MMP28: variants seen among roughly 807,000 people sequenced by gnomAD.
The protein encoded by MMP28 is matrix metalloproteinase-28.
In MMP28, 55 loss-of-function variants were observed where a neutral mutation model predicts 60.5. The observed-to-expected ratio is 0.91, with a 90% CI of 0.73 to 1.14. The LOEUF (loss-of-function observed/expected upper bound fraction) is 1.14. Ranked by LOEUF, MMP28 falls within the 50% of genes most tolerant of loss-of-function variation. MMP28 has a pLI of 0.00. For synonymous variants in MMP28, 318 were observed against 312.5 expected (o/e 1.02, Z -0.18); for missense variants, 686 against 738.3 (o/e 0.93, Z 0.82).
intron 1 of MMP28, among the ~76,000 whole-genome samples, chr17:35,786,078 G>A (rs988830619): frequency 4.1e-5 from 6 of 146,226 alleles, no homozygotes; most frequent in South Asian, 2.1e-4. Context: ...TTTTTGACAC[G>A]GAGTTTCGCT....
chr17:35,761,832 T>C (rs1349279853), downstream of MMP28, among the ~76,000 whole-genome samples: 1 of 152,090 alleles, frequency 6.6e-6, no homozygotes, highest in Non-Finnish European at 1.5e-5. Context: ...CTCCTTTTCC[T>C]CCTCCCCTTC....
chr17:35,776,557 T>C (rs2086337109), intron 3 of MMP28, among the ~76,000 whole-genome samples: 1 of 152,166 alleles, frequency 6.6e-6, no homozygotes, highest in Admixed American at 6.5e-5. Flanking sequence ...ATCCTATATT[T>C]TATGTGGCAA....
chr17:35,765,667 C>T (rs2085919710), downstream of MMP28, among the ~76,000 whole-genome samples: 1 of 152,242 alleles, frequency 6.6e-6, no homozygotes, highest in African/African-American at 2.4e-5. Context: ...GCACATCATT[C>T]TCCATCTGGC....
intron 1 of MMP28, among the ~76,000 whole-genome samples, chr17:35,792,963 G>T (rs1458863265): frequency 6.6e-6 from 1 of 152,122 alleles, no homozygotes; most frequent in African/African-American, 2.4e-5. Flanking sequence ...CATGGTTTAC[G>T]TATGGGTTTG....
At chr17:35,769,100 G>A (rs2086038630) in intron 5 of MMP28, among the ~76,000 whole-genome samples, 2 of 152,102 alleles carry the variant, frequency 1.3e-5, no homozygotes, top group Admixed American at 1.3e-4. Flanking sequence ...AGTCCAACAA[G>A]CTTATTATTT....
chr17:35,795,103 G>GA (rs1367131884), intron 1 of MMP28, among the ~76,000 whole-genome samples, 164 bp downstream of exon 1: 3 of 152,240 alleles, frequency 2.0e-5, no homozygotes, highest in Non-Finnish European at 4.4e-5. Context: ...CTGGCACGGG[G>GA]AAAAAACTGC....
chr17:35,768,285 G>A lies in MMP28; in HGVS notation c.945C>T (p.Arg315=), dbSNP rs200237342. 2 of 1,613,312 alleles carry A rather than the reference G, an allele frequency of 1.2e-6. No individual in the cohort carries two copies. The highest frequency in any genetic ancestry group is 1.7e-5 in the Admixed American group (1 of 59,934). The change falls in exon 6 of 8, where the codon CGC becomes CGT. Residue 315 remains arginine (R), a synonymous_variant. Coordinates refer to ENST00000605424, the MANE Select transcript of MMP28 (RefSeq NM_024302.5). ...AGTATTTAGGGCCCTGCGTTTCAGGGCGCCTTCCTTGGGGGCTGTAGGAGT... is the reference window on the plus strand; with the variant it reads ...AGTATTTAGGGCCCTGCGTTTCAGGACGCCTTCCTTGGGGGCTGTAGGAGT... ...TWDSYSPQGR[R]PETQGPKYCH...
chr17:35,768,062 C>T, intron 6 of MMP28, 143 bp from the exon 7 acceptor site: 1 of 1,279,954 alleles, frequency 7.8e-7, no homozygotes, highest in Non-Finnish European at 1.1e-6. Flanking sequence ...GGAAAGTGGG[C>T]AGGAAGAAGC....
intron 1 of MMP28, among the ~76,000 whole-genome samples, chr17:35,782,952 G>A (rs570811405): frequency 9.1e-4 from 139 of 152,150 alleles, no homozygotes; most frequent in African/African-American, 2.9e-3. Context: ...TCAGCCTCCC[G>A]AGTAGCTGGG....
At chr17:35,760,748 G>T in intron 2 of MMP28, 1 of 654,302 alleles carries the variant, frequency 1.5e-6, no homozygotes. Flanking sequence ...GGAGACATCT[G>T]AGTTGTTAGT....
intron 4 of MMP28, 100 bp from the exon 5 acceptor site, chr17:35,770,412 C>T: frequency 2.2e-6 from 3 of 1,381,802 alleles, no homozygotes; most frequent in Non-Finnish European, 2.8e-6. Flanking sequence ...TGGCTGTTCT[C>T]TGCTGTATAG....
chr17:35,758,485 A>C (rs1555600856), intron 2 of MMP28, among the ~76,000 whole-genome samples: 1 of 152,152 alleles, frequency 6.6e-6, no homozygotes, highest in African/African-American at 2.4e-5. Context: ...TGAGGTCAGG[A>C]GTTCAAGACC....
intron 3 of MMP28, among the ~76,000 whole-genome samples, chr17:35,777,208 C>T (rs1555607847): frequency 6.6e-6 from 1 of 152,208 alleles, no homozygotes; most frequent in African/African-American, 2.4e-5. Flanking sequence ...AGACTTGAAC[C>T]CAGGGCCTCT....
In MMP28 at chr17:35,766,213, A is replaced by G; in HGVS notation, c.*287T>C. 1 of 1,200,226 alleles carries G rather than the reference A, an allele frequency of 8.3e-7. No homozygotes were observed. Among genetic ancestry groups the G allele is most frequent in the Non-Finnish European group, 1.0e-6 (1 of 965,376 alleles). The allele number at this position is 1,200,226 out of a possible 1,614,324, so 74.3% of individuals were successfully genotyped here. A position where few individuals can be genotyped will look rare whatever the true frequency, so the allele number is the denominator to read the frequency against. ...GAACTGTACCTTTAGCCGAAGAAAC[A>G]AAGGCCTGGGGAGGATAGAAGTCCT... On this transcript the variant is annotated 3_prime_UTR_variant, in exon 8 of 8. Coordinates refer to ENST00000605424, the MANE Select transcript of MMP28 (RefSeq NM_024302.5). This position sits in a 1 kb window ranked among gnomAD's most constrained non-coding sequence, Gnocchi z 4.3.
chr17:35,789,889 G>A (rs1395082982), intron 1 of MMP28, among the ~76,000 whole-genome samples: 1 of 150,358 alleles, frequency 6.7e-6, no homozygotes, highest in Non-Finnish European at 1.5e-5. Context: ...TGCCTCCTGA[G>A]TAGCTGGAAT....
chr17:35,773,489 A>T lies in MMP28; in HGVS notation c.380-85T>A. The stretch of plus-strand genomic sequence containing the variant: ...CAGACCCAGTAGGATGGCGAGGGGT[A>T]GGCCCTCCCCCAGCAGCCCCTCGTC... On this transcript the variant is annotated intron_variant, in intron 3 of 7. Coordinates refer to ENST00000605424, the MANE Select transcript of MMP28 (RefSeq NM_024302.5). 9 of 1,212,892 alleles carry T rather than the reference A, an allele frequency of 7.4e-6. No individual in the cohort carries two copies. The South Asian group carries it at 1.3e-4, about 18-fold the overall frequency. The allele number at this position is 1,212,892 out of a possible 1,614,324, so 75.1% of individuals were successfully genotyped here.
At chr17:35,780,256 T>C (rs979630229) in intron 1 of MMP28, among the ~76,000 whole-genome samples, 1 of 151,868 alleles carries the variant, frequency 6.6e-6, no homozygotes, top group Non-Finnish European at 1.5e-5. Context: ...TTAGTAGAGA[T>C]GGGGTTTCAC....
chr17:35,765,718 G>A (rs770186016), downstream of MMP28: 4 of 415,854 alleles, frequency 9.6e-6, no homozygotes, highest in Admixed American at 6.4e-5. Flanking sequence ...GGAGAGGCAG[G>A]CCCCTTCTCT....
At chr17:35,756,263 T>A (rs76688169) in exon 3 of MMP28, 8,126 of 338,358 alleles carry the variant, frequency 0.024, 137 homozygotes, top group East Asian at 0.12. Context: ...ACAAAAGAAA[T>A]GTTTATTTCC....
Sources: allele counts gnomAD v4.1 joint callset (sites outside exome capture counted in the v4.1 genomes callset), GRCh38; gene constraint gnomAD v4.1.1; non-coding constraint Gnocchi (gnomAD v3.1); transcripts MANE v1.5; gene names NCBI Gene and HGNC (gene_info 2026-07-23, HGNC 2026-07-21).